The following TTN variants were observed in gnomAD, a reference collection of about 807,000 sequenced individuals.
TTN encodes the protein connectin.
TTN carries 1,525 observed loss-of-function variants against 3,223.0 expected under a neutral mutation model. The observed-to-expected ratio is 0.47, with a 90% CI of 0.45 to 0.49. TTN has a LOEUF of 0.49. Ranked by LOEUF, TTN falls within the 20% of genes least tolerant of loss-of-function variation. The pLI is 0.00. For missense variants in TTN, 40,786 were observed against 43,424.0 expected (o/e 0.94, Z 5.40); for synonymous variants, 14,094 against 15,161.0 (o/e 0.93, Z 5.17).
chr2:178,572,994 T>C lies in TTN; in HGVS notation c.73138A>G (p.Lys24380Glu). Residue 24380 changes from lysine (K) to glutamate (E), a missense_variant, in exon 326 of 363, where the codon AAG becomes GAG. Transcript: ENST00000589042. ...CCAGTGATAGTATACGAAGTTGCCT[T>C]GAGTCCTGCTGGTGGAGTGACAATC... is the stretch of plus-strand genomic sequence containing the variant. ...WQIVTPPAGL[K>E]ATSYTITGLT... is the part of the protein sequence containing the mutation. The C allele has an allele frequency of 2.5e-6, 4 of 1,613,184 alleles. No individual in the cohort carries two copies. The South Asian group carries it at 4.4e-5, about 18-fold the overall frequency.
rs1210587432 is a variant in TTN, at chr2:178,612,044, A to T, written c.50354+13T>A. ...AGTGTAAGTTATTCTTTATGAATTA[A>T]TTCAAATTCTACCTCTGTATTGGTC... On this transcript the variant is annotated intron_variant, in intron 267 of 362. Transcript: ENST00000589042. 6 of 1,603,896 alleles carry T rather than the reference A, an allele frequency of 3.7e-6. No individual in the cohort carries two copies. In the Admixed American group the frequency reaches 5.2e-5, roughly 14 times the overall value.
In TTN at chr2:178,786,102, C is replaced by T. The variant is rs755751370; in HGVS notation, c.2116G>A (p.Val706Ile). 3.1e-6 allele frequency: 5 copies of T among 1,614,008 alleles called. No individual in the cohort carries two copies. The highest frequency in any genetic ancestry group is 4.2e-6 in the Non-Finnish European group (5 of 1,179,992). ...GKKAEAVATVVAAVDQARVRE... is the reference protein window; with the variant it reads ...GKKAEAVATVIAAVDQARVRE... Reference sequence around the variant, plus strand: ...ACTCGGGCCTGGTCTACTGCAGCAACAACTGTTGCTACAGCTTCAGCCTTT... The same window carrying T: ...ACTCGGGCCTGGTCTACTGCAGCAATAACTGTTGCTACAGCTTCAGCCTTT... The change falls in exon 14 of 363, where the codon GTT (valine) becomes ATT (isoleucine). Residue 706 changes from valine (V) to isoleucine (I), a missense_variant. Transcript: ENST00000589042.
rs370157162 is a variant in TTN at position 178,652,102 on chromosome 2, G to T, written c.39289C>A (p.Pro13097Thr). 26 of 1,613,042 alleles carry T rather than the reference G, an allele frequency of 1.6e-5. No individual in the cohort carries two copies. In the African/African-American group the frequency reaches 2.4e-4, roughly 15 times the overall value. ...TGAATAGTTTCATTATTACCTTCAG[G>T]GGGAGGACTTTCCGGTTTGGGAGGA... is the stretch of plus-strand genomic sequence containing the variant. ...AIPPKPESPP[P>T]EVFEEPEEVA... The change falls in exon 204 of 363, where the codon CCT becomes ACT. Residue 13097 changes from proline (P) to threonine (T), a missense_variant. Transcript: ENST00000589042.
At position 178,777,191 on chromosome 2, in the gene TTN, T is replaced by C. The variant is rs1308021841; in HGVS notation, c.4772A>G (p.Lys1591Arg). Residue 1591 changes from lysine to arginine, a missense_variant, in exon 27 of 363, where the codon AAA becomes AGA. By Grantham distance (26) the Lys-to-Arg change is conservative. Transcript: ENST00000589042. ...ATGAGGCACAATGATGTCACTGTTT[T>C]TCAACCATACAATGTCAGGGTTGGG... ...GNPNPDIVWL[K>R]NSDIIVPHKY... The C allele has an allele frequency of 6.2e-7, 1 of 1,614,134 alleles. No individual in the cohort carries two copies. The highest frequency in any genetic ancestry group is 8.5e-7 in the Non-Finnish European group (1 of 1,179,976).
chr2:178,740,808 G>C lies in TTN; in HGVS notation c.12425C>G (p.Pro4142Arg). 1 of 1,613,576 alleles carries C rather than the reference G, an allele frequency of 6.2e-7. No individual in the cohort carries two copies. Among genetic ancestry groups the C allele is most frequent in the South Asian group, 1.1e-5 (1 of 91,064 alleles). ...LCINGSIHFQPLKEPSPNLQL... is the reference protein window; with the variant it reads ...LCINGSIHFQRLKEPSPNLQL... ...TAGGTTGGGAGATGGTTCCTTGAGA[G>C]GCTGAAAGTGAATACTGCCATTGAT... Residue 4142 changes from proline to arginine, a missense_variant, in exon 48 of 363, where the codon CCT (proline) becomes CGT (arginine). Physicochemically the swap from Pro to Arg is moderately radical, Grantham distance 103. Coordinates refer to ENST00000589042, the MANE Select transcript of TTN (RefSeq NM_001267550.2).
Position 178,640,102 on chromosome 2 carries a change from T to C in TTN, c.40732A>G (p.Ile13578Val). 3.1e-6 allele frequency: 5 copies of C among 1,611,832 alleles called. No homozygotes were observed. Among genetic ancestry groups the C allele is most frequent in the South Asian group, 1.1e-5 (1 of 90,862 alleles). ...KIPEPTKVPE[I>V]KPAIPLPAPE... ...GCAGGGAGAGGTATTGCTGGCTTGA[T>C]TTCAGGCACTGAAATAATTTAGAGT... Residue 13578 changes from isoleucine (I) to valine (V), a missense_variant, in exon 222 of 363, where the codon ATC becomes GTC. Physicochemically the swap from Ile to Val is conservative, Grantham distance 29 (BLOSUM62 3). Coordinates refer to ENST00000589042, the MANE Select transcript of TTN (RefSeq NM_001267550.2).
At chr2:178,790,620 G>C (rs2093434465) in intron 11 of TTN, 88 bp downstream of exon 11, 1 of 1,597,788 alleles carries the variant, frequency 6.3e-7, no homozygotes, top group Non-Finnish European at 8.6e-7. Flanking sequence ...AAGTGAAGAA[G>C]TGATGATTAA....
At position 178,706,561 on chromosome 2, in the gene TTN, G is replaced by T; in HGVS notation, c.29313C>A (p.Cys9771Ter). 1.2e-6 allele frequency: 2 copies of T among 1,613,758 alleles called. No homozygotes were observed. Among genetic ancestry groups the T allele is most frequent in the Non-Finnish European group, 1.7e-6 (2 of 1,179,816 alleles). ...TTTCACCATGTTCGTTAAATGCCAC[G>T]CATCGGTATAACCCAGAATCAGTTT... The part of the protein sequence containing the change: ...TTKTDSGLYR[C>*]VAFNEHGEIE... Residue 9771 changes from cysteine to a stop codon, truncating the protein, a stop_gained, in exon 102 of 363, where the codon TGC (cysteine) becomes TGA (stop). Transcript: ENST00000589042. LOFTEE classifies it high-confidence loss of function.
chr2:178,639,582 G>T, intron 223 of TTN, 117 bp downstream of exon 223: 1 of 1,056,862 alleles, frequency 9.5e-7, no homozygotes, highest in Non-Finnish European at 1.4e-6. Context: ...ATAAACCTCC[G>T]AAGTTGAAAT....
chr2:178,737,982 C>G, intron 49 of TTN, 100 bp downstream of exon 49: 1 of 1,488,640 alleles, frequency 6.7e-7, no homozygotes, highest in Non-Finnish European at 9.1e-7. Flanking sequence ...GTTGGTCTCT[C>G]CAGTTGGTAA....
intron 236 of TTN, among the ~76,000 whole-genome samples, chr2:178,631,640 T>A (rs1365521306): frequency 6.6e-6 from 1 of 152,102 alleles, no homozygotes; most frequent in Non-Finnish European, 1.5e-5. Flanking sequence ...CTAGTTTACT[T>A]TTAAGCTTTC....
chr2:178,588,093 G>A lies in TTN; in HGVS notation c.63314C>T (p.Pro21105Leu), dbSNP rs773378006. 1.9e-6 allele frequency: 3 copies of A among 1,612,772 alleles called. No homozygotes were observed. Among genetic ancestry groups the A allele is most frequent in the East Asian group, 4.5e-5 (2 of 44,666 alleles). ...PIIGYVVEMRPKIADASPDEG... is the reference protein window; with the variant it reads ...PIIGYVVEMRLKIADASPDEG... ...ATCAGGAGACGCATCTGCTATTTTTGGTCTCATTTCCACAACATATCCAAT... is the reference window on the plus strand; with the variant it reads ...ATCAGGAGACGCATCTGCTATTTTTAGTCTCATTTCCACAACATATCCAAT... The change falls in exon 305 of 363, where the codon CCA becomes CTA. Residue 21105 changes from proline to leucine, a missense_variant. Pro to Leu is a moderately conservative substitution (Grantham distance 98). Coordinates refer to ENST00000589042, the MANE Select transcript of TTN (RefSeq NM_001267550.2).
In TTN at chr2:178,561,855, C is replaced by CA; in HGVS notation, c.84276dup (p.Glu28093Ter). On this transcript the variant is annotated frameshift_variant, in exon 326 of 363. Transcript: ENST00000589042. LOFTEE classifies it high-confidence loss of function. ...GTTGTAGAGGTGGTTTCTTTCTTTT[C>CA]AACAATGTAATTGCTAATTTGGCAG... is the stretch of plus-strand genomic sequence containing the variant. The CA allele has an allele frequency of 6.2e-7, 1 of 1,613,620 alleles. No individual in the cohort carries two copies.
At chr2:178,744,688 A>G in intron 47 of TTN, 1 of 973,884 alleles carries the variant, frequency 1.0e-6, no homozygotes, top group Non-Finnish European at 1.2e-6. Flanking sequence ...AAAATATCCC[A>G]CCTTTTTTTA....
chr2:178,618,648 C>T lies in TTN; in HGVS notation c.46902G>A (p.Arg15634=), dbSNP rs1483760546. ...GTTTGTTCTGAAGCACAATTTTATA[C>T]CTCCCTTTGTCTCCTTTCTTGGCTT... ...ILEAKKGDKG[R]YKIVLQNKHG... is the part of the protein sequence containing the mutation. Residue 15634 remains arginine (R), a synonymous_variant, in exon 251 of 363, where the codon AGG becomes AGA. Coordinates refer to ENST00000589042, the MANE Select transcript of TTN (RefSeq NM_001267550.2). The T allele has an allele frequency of 3.1e-6, 5 of 1,612,402 alleles. No homozygotes were observed. In the South Asian group the frequency reaches 4.4e-5, roughly 14 times the overall value.
At position 178,706,842 on chromosome 2, in the gene TTN, T is replaced by C; in HGVS notation, c.29134+20A>G. The C allele has an allele frequency of 6.2e-7, 1 of 1,610,986 alleles. No homozygotes were observed. On this transcript the variant is annotated intron_variant, in intron 101 of 362. Coordinates refer to ENST00000589042, the MANE Select transcript of TTN (RefSeq NM_001267550.2). The stretch of plus-strand genomic sequence containing the variant: ...AGGTATAAGATAGATGAAGATGTAC[T>C]TCTCATGAAGTGCACTTACTTTCTA...
chr2:178,693,837 A>T, intron 118 of TTN, 85 bp downstream of exon 118: 1 of 1,298,914 alleles, frequency 7.7e-7, no homozygotes, highest in South Asian at 1.3e-5. Context: ...AAATGTCTAC[A>T]CGATCACAAA....
In TTN at chr2:178,601,888, A is replaced by G. The variant is rs948588457; in HGVS notation, c.55296T>C (p.Asp18432=). ...TTAATTATTATTTTTTTACCTGTGC[A>G]TCTTCGGGTATGTCATGAACTCCAT... ...MKDGVHDIPE[D]AQLETAENSS... Residue 18432 remains aspartate, a synonymous_variant, in exon 285 of 363, where the codon GAT becomes GAC. Coordinates refer to ENST00000589042, the MANE Select transcript of TTN (RefSeq NM_001267550.2). 3.1e-6 allele frequency: 5 copies of G among 1,611,690 alleles called. No homozygotes were observed. The Middle Eastern group carries it at 5.0e-4, about 160-fold the overall frequency.
Position 178,590,328 on chromosome 2 carries a change from A to C in TTN, c.61397T>G (p.Ile20466Ser). The C allele has an allele frequency of 6.4e-6, 10 of 1,570,810 alleles. No individual in the cohort carries two copies. Among genetic ancestry groups the C allele is most frequent in the Non-Finnish European group, 8.6e-6 (10 of 1,159,430 alleles). The change falls in exon 304 of 363, where the codon ATT becomes AGT. Residue 20466 changes from isoleucine (I) to serine (S), a missense_variant. Physicochemically the swap from Ile to Ser is moderately radical, Grantham distance 142 (BLOSUM62 -2). Coordinates refer to ENST00000589042, the MANE Select transcript of TTN (RefSeq NM_001267550.2). ...GEPRELAESV[I>S]AKDILHPPEV... is the part of the protein sequence containing the mutation. Reference sequence around the variant, plus strand: ...TGGAGGATGAAGGATATCTTTTGCAATCACAGATTCTGCTAGTTCTCTTGG... The same window carrying C: ...TGGAGGATGAAGGATATCTTTTGCACTCACAGATTCTGCTAGTTCTCTTGG...
Sources: allele counts gnomAD v4.1 joint callset (sites outside exome capture counted in the v4.1 genomes callset), GRCh38; gene constraint gnomAD v4.1.1; transcripts MANE v1.5; gene names NCBI Gene and HGNC (gene_info 2026-07-23, HGNC 2026-07-21).